Variants in ROBO1 observed in about 807,000 individuals in gnomAD.
ROBO1 encodes roundabout homolog 1.
ROBO1 carries 149 observed loss-of-function variants against 195.9 expected under a neutral mutation model. The observed-to-expected ratio is 0.76, with a 90% CI of 0.67 to 0.87. The LOEUF (loss-of-function observed/expected upper bound fraction) is 0.87. Among genes scored for constraint, ROBO1 ranks in the 40% least tolerant of loss-of-function variants. ROBO1 has a pLI of 0.00. For missense variants in ROBO1, 1,933 were observed against 2,068.3 expected, an observed-to-expected ratio of 0.93 and a Z score of 1.27; for synonymous variants, 816 against 733.2, an observed-to-expected ratio of 1.11 and a Z score of -1.82.
rs188595952 is a variant in ROBO1, at chr3:79,227,221, T to C, written c.89-101682A>G. The stretch of plus-strand genomic sequence containing the variant: ...ACCTTCACTGGCTCCCTAGCAGCTG[T>C]TTTTCCCCAGGCCTCTTTGTAATCT... On this transcript the variant is annotated intron_variant, in intron 2 of 30. Coordinates refer to ENST00000464233, the MANE Select transcript of ROBO1 (RefSeq NM_002941.4). Among the ~76,000 whole-genome samples the C allele has an allele frequency of 1.8e-3, 272 of 152,204 alleles. 1 individual carries two copies. The highest frequency in any genetic ancestry group is 6.2e-3 in the African/African-American group (259 of 41,536).
At position 79,100,231 on chromosome 3, in the gene ROBO1, T is replaced by C. The variant is rs574329097; in HGVS notation, c.172+25225A>G. 5.3e-5 allele frequency among the ~76,000 whole-genome samples: 8 copies of C among 151,950 alleles called. No homozygotes were observed. In the South Asian group the frequency reaches 1.5e-3, roughly 28 times the overall value. On this transcript the variant is annotated intron_variant, in intron 3 of 30. Coordinates refer to ENST00000464233, the MANE Select transcript of ROBO1 (RefSeq NM_002941.4). ...AGTGATGGATATAAATTAATGTTTATGAAATGTCTATTAACTGCCAGTCAC... is the reference window on the plus strand; with the variant it reads ...AGTGATGGATATAAATTAATGTTTACGAAATGTCTATTAACTGCCAGTCAC...
chr3:79,706,128 A>T (rs929034652), intron 1 of ROBO1, among the ~76,000 whole-genome samples: 1 of 152,070 alleles, frequency 6.6e-6, no homozygotes, highest in African/African-American at 2.4e-5. Flanking sequence ...CTTCCCAATC[A>T]GCACACCTTT....
chr3:79,273,928 T>C (rs2030795068), intron 2 of ROBO1, among the ~76,000 whole-genome samples: 1 of 152,008 alleles, frequency 6.6e-6, no homozygotes, highest in Admixed American at 6.6e-5. Context: ...AAGATCATTA[T>C]CTAATAATAA....
intron 2 of ROBO1, among the ~76,000 whole-genome samples, chr3:79,490,127 C>T (rs1939376380): frequency 6.6e-6 from 1 of 152,124 alleles, no homozygotes; most frequent in South Asian, 2.1e-4. Context: ...GGAGTGGATG[C>T]TTTCCTATAA....
chr3:78,937,939 T>A (rs921605270), intron 4 of ROBO1: 1 of 152,156 alleles, frequency 6.6e-6, no homozygotes, highest in African/African-American at 2.4e-5. Context: ...TCCCACACTA[T>A]CTTATTTATA....
At chr3:78,631,418 G>A (rs1705179377) in intron 24 of ROBO1, 113 bp from the exon 25 acceptor site, 1 of 1,178,364 alleles carries the variant, frequency 8.5e-7, no homozygotes, top group Non-Finnish European at 1.2e-6. Flanking sequence ...TATATATACA[G>A]AGATAAACAT....
At chr3:79,006,083 T>C (rs1173725218) in intron 3 of ROBO1, among the ~76,000 whole-genome samples, 2 of 152,074 alleles carry the variant, frequency 1.3e-5, no homozygotes, top group Non-Finnish European at 2.9e-5. Flanking sequence ...TTTGATAATT[T>C]CTCTTCTTAT....
chr3:78,833,237 C>A (rs1010054149), intron 4 of ROBO1, among the ~76,000 whole-genome samples: 5 of 151,986 alleles, frequency 3.3e-5, no homozygotes, highest in African/African-American at 1.2e-4. Context: ...GGTTAGAAAT[C>A]ATTCATAAAA....
At chr3:79,707,666 G>A (rs1187845792) in intron 1 of ROBO1, among the ~76,000 whole-genome samples, 4 of 151,986 alleles carry the variant, frequency 2.6e-5, no homozygotes, top group African/African-American at 4.8e-5. Context: ...ATGCCACCAC[G>A]CCTGGCTAAT....
At chr3:79,705,653 G>A (rs1270427351) in intron 1 of ROBO1, among the ~76,000 whole-genome samples, 2 of 151,952 alleles carry the variant, frequency 1.3e-5, no homozygotes, top group African/African-American at 4.8e-5. Flanking sequence ...TATAGTGTTG[G>A]CTATGCTAGG....
intron 4 of ROBO1, among the ~76,000 whole-genome samples, chr3:78,753,594 C>T (rs1273553772): frequency 6.6e-6 from 1 of 151,980 alleles, no homozygotes; most frequent in African/African-American, 2.4e-5. Context: ...TATACATGTG[C>T]CATGGTGGTT....
At chr3:79,758,431 A>G (rs1251318768) in intron 1 of ROBO1, among the ~76,000 whole-genome samples, 1 of 152,214 alleles carries the variant, frequency 6.6e-6, no homozygotes, top group East Asian at 1.9e-4. Flanking sequence ...ACAGTGATAT[A>G]TTGTTGTCAT....
intron 4 of ROBO1, among the ~76,000 whole-genome samples, chr3:78,856,983 T>A (rs986127193): frequency 5.9e-5 from 9 of 152,042 alleles, no homozygotes; most frequent in African/African-American, 1.7e-4. Flanking sequence ...TTTCTAACAA[T>A]GTTTACAGCA....
intron 2 of ROBO1, among the ~76,000 whole-genome samples, chr3:79,558,595 TAA>T (rs1039010205): frequency 3.3e-5 from 5 of 152,284 alleles, no homozygotes; most frequent in African/African-American, 1.2e-4. Context: ...TTTTCATGGG[TAA>T]ACTGTATTAG....
intron 2 of ROBO1, among the ~76,000 whole-genome samples, chr3:79,368,147 G>A (rs935817391): frequency 6.6e-6 from 1 of 152,094 alleles, no homozygotes; most frequent in Non-Finnish European, 1.5e-5. Context: ...TGGCCAGGCT[G>A]GTCTTAAACA....
At chr3:78,866,768 T>C (rs939150803) in intron 4 of ROBO1, among the ~76,000 whole-genome samples, 5 of 152,178 alleles carry the variant, frequency 3.3e-5, no homozygotes, top group Non-Finnish European at 7.4e-5. Context: ...TGATAGTTCA[T>C]ATAAGGCTCT....
At position 79,441,312 on chromosome 3, in the gene ROBO1, T is replaced by A. The variant is rs543011040; in HGVS notation, c.88+148512A>T. Among the ~76,000 whole-genome samples the A allele has an allele frequency of 2.7e-3, 418 of 152,272 alleles. 2 individuals carry two copies. The highest frequency in any genetic ancestry group is 9.5e-3 in the African/African-American group (393 of 41,572). ...TAAATAACAGATCAGTGAATGTTAG[T>A]TTCTTAGGTATTGAACACTAAGCTG... On this transcript the variant is annotated intron_variant, in intron 2 of 30. Coordinates refer to ENST00000464233, the MANE Select transcript of ROBO1 (RefSeq NM_002941.4).
chr3:79,086,425 T>C (rs1192992423), intron 3 of ROBO1, among the ~76,000 whole-genome samples: 1 of 152,216 alleles, frequency 6.6e-6, no homozygotes, highest in East Asian at 1.9e-4. Flanking sequence ...AGCTGTTTGA[T>C]GATTACTAGA....
At chr3:78,958,992 A>G (rs879940373) in intron 3 of ROBO1, among the ~76,000 whole-genome samples, 1 of 151,840 alleles carries the variant, frequency 6.6e-6, no homozygotes, top group East Asian at 1.9e-4. Flanking sequence ...TATTTTTAGT[A>G]GAGGTTTTAC....
Sources: allele counts gnomAD v4.1 joint callset (sites outside exome capture counted in the v4.1 genomes callset), GRCh38; gene constraint gnomAD v4.1.1; transcripts MANE v1.5; gene names NCBI Gene and HGNC (gene_info 2026-07-23, HGNC 2026-07-21).